VIT: variants seen among roughly 807,000 people sequenced by gnomAD.
VIT encodes the protein vitrin.
VIT carries 99 observed loss-of-function variants against 78.0 expected under a neutral mutation model. That is an observed-to-expected ratio of 1.27 (90% CI 1.08 to 1.50). The LOEUF (loss-of-function observed/expected upper bound fraction) is 1.50. Among genes scored for constraint, VIT ranks in the 40% most tolerant of loss-of-function variants. The probability of loss-of-function intolerance (pLI) is 0.00; values close to 1 mark genes in which losing one functional copy is unlikely to be tolerated. For synonymous variants in VIT, 374 were observed against 334.3 expected (o/e 1.12, Z -1.29); for missense variants, 1,126 against 875.3 (o/e 1.29, Z -3.61).
chr2:36,765,145 G>C (rs543626647), intron 6 of VIT, among the ~76,000 whole-genome samples: 4 of 152,208 alleles, frequency 2.6e-5, no homozygotes, highest in African/African-American at 7.2e-5. Flanking sequence ...AGATCGTGAC[G>C]GGGCGGTTAT....
intron 12 of VIT, among the ~76,000 whole-genome samples, chr2:36,795,620 G>A (rs1437668148): frequency 6.6e-6 from 1 of 151,916 alleles, no homozygotes; most frequent in Admixed American, 6.6e-5. Flanking sequence ...TCATCATATT[G>A]ATCAAGCTGG....
At chr2:36,751,168 G>A (rs1477763037) in intron 4 of VIT, among the ~76,000 whole-genome samples, 1 of 152,174 alleles carries the variant, frequency 6.6e-6, no homozygotes, top group African/African-American at 2.4e-5. Context: ...GGCCAAGGCG[G>A]GCAGATCACC....
intron 8 of VIT, chr2:36,774,469 T>C: frequency 1.0e-6 from 1 of 983,284 alleles, no homozygotes; most frequent in Non-Finnish European, 1.2e-6. Flanking sequence ...TATGAGCTGA[T>C]AGACTTGGTG....
intron 3 of VIT, among the ~76,000 whole-genome samples, chr2:36,734,442 A>G (rs116446855): frequency 0.017 from 2,549 of 152,222 alleles, 72 homozygotes; most frequent in African/African-American, 0.059. Flanking sequence ...ACTCTTGAGG[A>G]TCTAGTGCCT....
intron 2 of VIT, among the ~76,000 whole-genome samples, chr2:36,719,336 C>T (rs1243424413): frequency 6.6e-6 from 1 of 152,096 alleles, no homozygotes; most frequent in Non-Finnish European, 1.5e-5. Context: ...AAGTCCTACC[C>T]AGAGCAATTA....
At chr2:36,726,183 A>G (rs1666832569) in intron 2 of VIT, among the ~76,000 whole-genome samples, 1 of 152,162 alleles carries the variant, frequency 6.6e-6, no homozygotes, top group Non-Finnish European at 1.5e-5. Context: ...GAAATAATGG[A>G]TCGATGCAAA....
chr2:36,765,661 C>T (rs531464620), intron 6 of VIT, among the ~76,000 whole-genome samples: 14 of 152,246 alleles, frequency 9.2e-5, no homozygotes, highest in African/African-American at 2.7e-4. Flanking sequence ...AGCAGAGAAA[C>T]AACTGAAGAT....
intron 2 of VIT, among the ~76,000 whole-genome samples, chr2:36,728,174 A>G (rs1235156370): frequency 1.3e-5 from 2 of 151,344 alleles, no homozygotes; most frequent in Non-Finnish European, 2.9e-5. Context: ...CAGGCGATCC[A>G]CCCACCCCTG....
intron 2 of VIT, among the ~76,000 whole-genome samples, chr2:36,716,954 G>A (rs1378429357): frequency 7.4e-6 from 1 of 134,614 alleles, no homozygotes; most frequent in African/African-American, 2.8e-5. Flanking sequence ...TCGGCTCACT[G>A]CAACCTCTGC....
At chr2:36,769,711 C>A (rs1048946571) in intron 7 of VIT, among the ~76,000 whole-genome samples, 2 of 152,168 alleles carry the variant, frequency 1.3e-5, no homozygotes, top group African/African-American at 4.8e-5. Flanking sequence ...CCATACAATT[C>A]ACTCATGTAA....
At chr2:36,812,530 T>A (rs927923871) in intron 15 of VIT, among the ~76,000 whole-genome samples, 5 of 152,108 alleles carry the variant, frequency 3.3e-5, no homozygotes, top group Non-Finnish European at 5.9e-5. Context: ...ATGCCTTATC[T>A]CTGAATCCCA....
rs950489593 is a variant in VIT at position 36,814,263 on chromosome 2, C to T, written c.1984C>T (p.His662Tyr). Residue 662 changes from histidine (H) to tyrosine (Y), a missense_variant, in exon 16 of 16, where the codon CAC becomes TAC. By Grantham distance (83) the His-to-Tyr change is moderately conservative. Coordinates refer to ENST00000379242, the MANE Select transcript of VIT (RefSeq NM_053276.4). ...EVIATHPARD[H>Y]SFFVDEFDNL... ...CATTGCCACTCACCCCGCCAGAGAC[C>T]ACTCCTTCTTTGTGGACGAGTTTGA... 1.2e-6 allele frequency: 2 copies of T among 1,614,120 alleles called. No individual in the cohort carries two copies. The highest frequency in any genetic ancestry group is 1.3e-5 in the African/African-American group (1 of 74,920).
In VIT at chr2:36,755,955, A is replaced by ATTTT. The variant is rs58344336; in HGVS notation, c.409+917_409+920dup. Reference sequence around the variant, plus strand: ...CGGTAGTGCTTGAGGACAACACAGTATTTTTTTTTTTTTTTTTTTGAGACG... The same window carrying ATTTT: ...CGGTAGTGCTTGAGGACAACACAGTATTTTTTTTTTTTTTTTTTTTTTTGAGACG... On this transcript the variant is annotated intron_variant, in intron 5 of 15. Transcript: ENST00000379242. Among the ~76,000 whole-genome samples the ATTTT allele has an allele frequency of 8.8e-3, 957 of 108,522 alleles. 43 individuals are homozygous for ATTTT. Among genetic ancestry groups the ATTTT allele is most frequent in the African/African-American group, 0.027 (764 of 28,440 alleles). The allele number at this position is 108,522 out of a possible 152,430, so 71.2% of individuals were successfully genotyped here. A position where few individuals can be genotyped will look rare whatever the true frequency, so the allele number is the denominator to read the frequency against.
chr2:36,759,704 C>A (rs986080705), intron 6 of VIT: 2 of 978,112 alleles, frequency 2.0e-6, no homozygotes, highest in African/African-American at 3.5e-5. Flanking sequence ...CTTCCAGAAA[C>A]TTGATAGGCT....
In VIT at chr2:36,773,809, C is replaced by T. The variant is rs748022344; in HGVS notation, c.698C>T (p.Thr233Ile). The T allele has an allele frequency of 1.4e-5, 23 of 1,604,520 alleles. No individual in the cohort carries two copies. The highest frequency in any genetic ancestry group is 1.9e-5 in the Non-Finnish European group (22 of 1,174,378). ...CTTACAGATCTCTGGTCCACTGCCA[C>T]CTACACAAGCAGCCAAAACAGGCCC... ...SQEMDLWSTA[T>I]YTSSQNRPRA... The change falls in exon 8 of 16, where the codon ACC becomes ATC. Residue 233 changes from threonine (T) to isoleucine (I), a missense_variant. Transcript: ENST00000379242.
Position 36,774,638 on chromosome 2 carries a change from G to A in VIT, c.737-364G>A, listed in dbSNP as rs548878471. ...AACAGGGGCCCAATGGGCTCCTCTG[G>A]TCAGGGCGAGCAGCTTCTATGAGCT... is the stretch of plus-strand genomic sequence containing the variant. On this transcript the variant is annotated intron_variant, in intron 8 of 15. Coordinates refer to ENST00000379242, the MANE Select transcript of VIT (RefSeq NM_053276.4). 2.5e-5 allele frequency: 25 copies of A among 985,394 alleles called. No individual in the cohort carries two copies. In the Middle Eastern group the frequency reaches 2.1e-3, roughly 82 times the overall value. 61.0% of individuals were successfully genotyped at this position (985,394 alleles called of 1,614,324 possible). A position where few individuals can be genotyped will look rare whatever the true frequency, so the allele number is the denominator to read the frequency against.
chr2:36,796,131 T>A (rs546430855), intron 12 of VIT, among the ~76,000 whole-genome samples: 18 of 145,092 alleles, frequency 1.2e-4, no homozygotes, highest in African/African-American at 3.9e-4. Flanking sequence ...AAAAAAAACA[T>A]AGTGGGCAGC....
At chr2:36,798,795 C>A (rs940809861) in intron 12 of VIT, among the ~76,000 whole-genome samples, 1 of 152,028 alleles carries the variant, frequency 6.6e-6, no homozygotes, top group Non-Finnish European at 1.5e-5. Flanking sequence ...AAAAAATGAA[C>A]CCATAAGCCC....
At chr2:36,709,436 T>C (rs556744378) in intron 1 of VIT, among the ~76,000 whole-genome samples, 1 of 152,342 alleles carries the variant, frequency 6.6e-6, no homozygotes, top group African/African-American at 2.4e-5. Flanking sequence ...ACTTAGTATA[T>C]GTTCAGCAAA....
Sources: allele counts gnomAD v4.1 joint callset (sites outside exome capture counted in the v4.1 genomes callset), GRCh38; gene constraint gnomAD v4.1.1; transcripts MANE v1.5; gene names NCBI Gene and HGNC (gene_info 2026-07-23, HGNC 2026-07-21).